The following CD96 variants were observed in gnomAD, a reference collection of about 807,000 sequenced individuals.
The protein encoded by CD96 is CD96 molecule.
Under a neutral mutation model 71.3 loss-of-function variants are expected in CD96, and 70 were observed. The ratio of observed to expected loss-of-function variants is 0.98; its 90% CI spans 0.81 to 1.20. The LOEUF is 1.20. Among genes scored for constraint, CD96 ranks in the 50% most tolerant of loss-of-function variants. The probability of loss-of-function intolerance (pLI) is 0.00; values close to 1 mark genes in which losing one functional copy is unlikely to be tolerated. For synonymous variants in CD96, 248 were observed against 233.0 expected (o/e 1.06, Z -0.59); for missense variants, 742 against 677.5 (o/e 1.10, Z -1.06).
At chr3:111,570,970 C>A in intron 3 of CD96, 1 of 1,537,512 alleles carries the variant, frequency 6.5e-7, no homozygotes, top group Non-Finnish European at 9.0e-7. Flanking sequence ...TCTGAGGCCA[C>A]CAGAGTGAAA....
chr3:111,585,263 C>T, intron 4 of CD96, 60 bp from the exon 5 acceptor site: 2 of 934,370 alleles, frequency 2.1e-6, no homozygotes, highest in Non-Finnish European at 3.6e-6. Flanking sequence ...CACATACACA[C>T]ACTAGTGGCC....
intron 1 of CD96, 74 bp from the exon 2 acceptor site, chr3:111,544,972 G>A: frequency 7.8e-7 from 1 of 1,280,748 alleles, no homozygotes; most frequent in Admixed American, 1.7e-5. Context: ...CCTTACTGAA[G>A]TGACTAGGGT....
At chr3:111,591,508 G>C (rs1230692311) in intron 5 of CD96, among the ~76,000 whole-genome samples, 3 of 152,016 alleles carry the variant, frequency 2.0e-5, no homozygotes, top group Non-Finnish European at 2.9e-5. Context: ...CTTGAACCCT[G>C]TGGTTTCCTC....
At chr3:111,571,529 A>G (rs1345854063) in intron 3 of CD96, among the ~76,000 whole-genome samples, 2 of 152,092 alleles carry the variant, frequency 1.3e-5, no homozygotes, top group Admixed American at 6.5e-5. Context: ...CTGCCAGGAC[A>G]TTTAGAGTAA....
intron 2 of CD96, among the ~76,000 whole-genome samples, chr3:111,566,838 A>C (rs933058167): frequency 6.6e-6 from 1 of 152,186 alleles, no homozygotes. Context: ...TTAGATATGA[A>C]GACTGTAAAA....
chr3:111,626,252 G>A (rs544679622), intron 10 of CD96, among the ~76,000 whole-genome samples: 18 of 124,998 alleles, frequency 1.4e-4, no homozygotes, highest in Middle Eastern at 0.016. Flanking sequence ...AGTGAGCCAA[G>A]ATCGAGATTG....
chr3:111,544,435 G>A (rs867926102), intron 1 of CD96, among the ~76,000 whole-genome samples: 5 of 151,700 alleles, frequency 3.3e-5, no homozygotes, highest in Admixed American at 6.6e-5. Context: ...GAGCCACTGC[G>A]CCAGGCCTGG....
At chr3:111,595,185 C>G (rs1253918662) in intron 5 of CD96, 1 of 155,894 alleles carries the variant, frequency 6.4e-6, no homozygotes, top group Non-Finnish European at 1.5e-5. Context: ...TAAAAACAGC[C>G]CGACTTCTCT....
chr3:111,591,831 G>T (rs1243592381), intron 5 of CD96, among the ~76,000 whole-genome samples: 1 of 152,222 alleles, frequency 6.6e-6, no homozygotes, highest in Non-Finnish European at 1.5e-5. Flanking sequence ...CAAGCCTGGT[G>T]CCTGGACTTT....
rs565815218 is a variant in CD96 at position 111,609,273 on chromosome 3, G to A, written c.1180+2481G>A. ...AATTGGAAAATGCAAAGTAAACAAA[G>A]CCTTGAGCCCCAGTTTAAGGACTCC... On this transcript the variant is annotated intron_variant, in intron 8 of 13. Transcript: ENST00000352690. 1.9e-4 allele frequency among the ~76,000 whole-genome samples: 29 copies of A among 152,262 alleles called. No homozygotes were observed. In the East Asian group the frequency reaches 5.6e-3, roughly 29 times the overall value.
intron 7 of CD96, among the ~76,000 whole-genome samples, chr3:111,601,304 A>G (rs554778708): frequency 1.6e-4 from 24 of 152,214 alleles, no homozygotes; most frequent in Non-Finnish European, 2.2e-4. Flanking sequence ...GAAACATTCC[A>G]TTATGTACAA....
chr3:111,610,470 C>G (rs372507259), intron 8 of CD96, among the ~76,000 whole-genome samples: 1 of 152,192 alleles, frequency 6.6e-6, no homozygotes, highest in Admixed American at 6.5e-5. Flanking sequence ...TACGAAGCTG[C>G]ATGTCTGGCT....
chr3:111,553,567 G>A (rs1049152008), intron 2 of CD96, among the ~76,000 whole-genome samples: 17 of 151,166 alleles, frequency 1.1e-4, no homozygotes, highest in Admixed American at 2.6e-4. Flanking sequence ...ATGATTTGCC[G>A]AATAGAAATA....
intron 2 of CD96, among the ~76,000 whole-genome samples, chr3:111,556,744 G>T (rs1055009073): frequency 6.6e-6 from 1 of 150,860 alleles, no homozygotes; most frequent in Non-Finnish European, 1.5e-5. Flanking sequence ...TGGCTCAAAT[G>T]GTATTTCTAG....
chr3:111,624,475 C>T, intron 10 of CD96, 71 bp downstream of exon 10: 1 of 851,632 alleles, frequency 1.2e-6, no homozygotes, highest in Admixed American at 1.7e-5. Context: ...TATTGAACGA[C>T]ATCTATGTGC....
At chr3:111,564,660 CATT>C (rs1038747785) in intron 2 of CD96, among the ~76,000 whole-genome samples, 23 of 152,130 alleles carry the variant, frequency 1.5e-4, no homozygotes, top group African/African-American at 4.3e-4. Flanking sequence ...AATATGCTCT[CATT>C]GTTGTAGGAA....
intron 5 of CD96, chr3:111,593,700 C>G: frequency 6.2e-7 from 1 of 1,614,020 alleles, no homozygotes; most frequent in Non-Finnish European, 8.5e-7. Flanking sequence ...TCCCGCCATT[C>G]CACTGCCCTT....
chr3:111,623,663 A>T (rs1938610567), intron 8 of CD96, 91 bp from the exon 9 acceptor site: 1 of 808,392 alleles, frequency 1.2e-6, no homozygotes, highest in Admixed American at 1.9e-5. Context: ...TTCCAACTCT[A>T]ATATTCCAGG....
rs1298604649 is a variant in CD96, at chr3:111,649,699, A to G, written c.1603A>G (p.Met535Val). 4 of 1,604,262 alleles carry G rather than the reference A, an allele frequency of 2.5e-6. No individual in the cohort carries two copies. In the African/African-American group the frequency reaches 5.4e-5, roughly 21 times the overall value. ...RKWCQYQKEIMERPPPFKPPP... is the reference protein window; with the variant it reads ...RKWCQYQKEIVERPPPFKPPP... ...GAAAGACCAATATTTTGTTCCTAGA[A>G]TGGAAAGACCTCCACCTTTCAAGCC... Residue 535 changes from methionine (M) to valine (V), a missense_variant and splice_region_variant, in exon 14 of 14, where the codon ATG (methionine) becomes GTG (valine). Coordinates refer to ENST00000352690, the MANE Select transcript of CD96 (RefSeq NM_005816.5).
Sources: allele counts gnomAD v4.1 joint callset (sites outside exome capture counted in the v4.1 genomes callset), GRCh38; gene constraint gnomAD v4.1.1; transcripts MANE v1.5; gene names NCBI Gene and HGNC (gene_info 2026-07-23, HGNC 2026-07-21).